The following CLASP2 variants were observed in gnomAD, a reference collection of about 807,000 sequenced individuals.
The protein encoded by CLASP2 is cytoplasmic linker associated protein 2.
A neutral mutation model predicts 194.4 loss-of-function variants in CLASP2; 47 were observed. The observed-to-expected ratio is 0.24, with a 90% CI of 0.19 to 0.31. CLASP2 has a LOEUF of 0.31. Ranked by LOEUF, CLASP2 falls within the 10% of genes least tolerant of loss-of-function variation. The pLI, the probability that CLASP2 is intolerant of heterozygous loss-of-function variation, is 1.00. For missense variants in CLASP2, 1,445 were observed against 1,823.6 expected, an observed-to-expected ratio of 0.79 and a Z score of 3.78; for synonymous variants, 619 against 633.5, an observed-to-expected ratio of 0.98 and a Z score of 0.34.
At chr3:33,532,503 T>C (rs2056544239) in intron 34 of CLASP2, among the ~76,000 whole-genome samples, 1 of 152,206 alleles carries the variant, frequency 6.6e-6, no homozygotes, top group Admixed American at 6.5e-5. Context: ...ACTGTATATA[T>C]AAAATGCTTA....
At position 33,622,112 on chromosome 3, in the gene CLASP2, TATC is replaced by T. The variant is rs200957482; in HGVS notation, c.1181+20_1181+22del. The T allele has an allele frequency of 0.013, 19,018 of 1,508,866 alleles. 210 individuals are homozygous for T. Among genetic ancestry groups the T allele is most frequent in the Middle Eastern group, 0.047 (261 of 5,528 alleles). 93.5% of individuals were successfully genotyped at this position (1,508,866 alleles called of 1,614,324 possible). A position where few individuals can be genotyped will look rare whatever the true frequency, so the allele number is the denominator to read the frequency against. On this transcript the variant is annotated intron_variant, in intron 11 of 38. Transcript: ENST00000682230. ...ACTAAATTCATTCATAAAAAACACT[TATC>T]ATAAAAGGAATATACTTACGCTACA... is the stretch of plus-strand genomic sequence containing the variant.
At chr3:33,549,734 CT>C (rs956395617) in intron 30 of CLASP2, among the ~76,000 whole-genome samples, 13 of 139,872 alleles carry the variant, frequency 9.3e-5, no homozygotes, top group Admixed American at 3.9e-4. Flanking sequence ...ATTCTGTGTA[CT>C]TTTTTTCTTT....
intron 36 of CLASP2, among the ~76,000 whole-genome samples, chr3:33,512,729 C>A (rs2050252842): frequency 1.4e-5 from 2 of 147,950 alleles, no homozygotes; most frequent in African/African-American, 5.0e-5. Flanking sequence ...GGTGGCTCAG[C>A]CTATAATCCC....
chr3:33,702,059 T>A (rs1434215381), intron 1 of CLASP2, among the ~76,000 whole-genome samples: 1 of 152,116 alleles, frequency 6.6e-6, no homozygotes, highest in Non-Finnish European at 1.5e-5. Flanking sequence ...AAAAACCCAG[T>A]CACAGATTAA....
intron 9 of CLASP2, among the ~76,000 whole-genome samples, chr3:33,628,192 A>G (rs1377457770): frequency 6.6e-6 from 1 of 152,202 alleles, no homozygotes; most frequent in Non-Finnish European, 1.5e-5. Context: ...GTGTAAATGC[A>G]AAGGAGAACA....
At chr3:33,640,008 T>C (rs1165299301) in intron 8 of CLASP2, among the ~76,000 whole-genome samples, 1 of 152,156 alleles carries the variant, frequency 6.6e-6, no homozygotes, top group Non-Finnish European at 1.5e-5. Flanking sequence ...TCTCTTTTCC[T>C]GAATCTGGGT....
At chr3:33,575,232 C>T (rs991958164) in intron 24 of CLASP2, among the ~76,000 whole-genome samples, 1 of 151,984 alleles carries the variant, frequency 6.6e-6, no homozygotes, top group Admixed American at 6.6e-5. Context: ...GCTGAAGTAA[C>T]GGGAAAAATT....
At chr3:33,624,976 C>T (rs909748893) in intron 10 of CLASP2, among the ~76,000 whole-genome samples, 1 of 151,894 alleles carries the variant, frequency 6.6e-6, no homozygotes, top group Non-Finnish European at 1.5e-5. Flanking sequence ...ATGACTAATA[C>T]CTTTGTTCAA....
intron 26 of CLASP2, among the ~76,000 whole-genome samples, chr3:33,568,716 C>A (rs569249790): frequency 6.6e-6 from 1 of 151,884 alleles, no homozygotes; most frequent in Non-Finnish European, 1.5e-5. Flanking sequence ...GGGATAGAGA[C>A]CCTTATGGTC....
intron 25 of CLASP2, 53 bp downstream of exon 25, chr3:33,573,057 A>G: frequency 6.3e-7 from 1 of 1,596,694 alleles, no homozygotes; most frequent in Non-Finnish European, 8.5e-7. Flanking sequence ...AACAAAGTAA[A>G]ATCAAAAAGC....
At chr3:33,616,380 A>G (rs1401130431) in intron 12 of CLASP2, among the ~76,000 whole-genome samples, 1 of 152,178 alleles carries the variant, frequency 6.6e-6, no homozygotes, top group East Asian at 1.9e-4. Flanking sequence ...ACAGGAAAAA[A>G]AATTCACAAA....
At chr3:33,629,519 G>A (rs897542264) in intron 9 of CLASP2, among the ~76,000 whole-genome samples, 3 of 152,024 alleles carry the variant, frequency 2.0e-5, no homozygotes, top group Non-Finnish European at 4.4e-5. Flanking sequence ...GAAGAGAGGA[G>A]GACAGAGACA....
intron 30 of CLASP2, among the ~76,000 whole-genome samples, chr3:33,549,054 G>A (rs1329715297): frequency 6.9e-6 from 1 of 145,016 alleles, no homozygotes; most frequent in Non-Finnish European, 1.5e-5. Context: ...ACCACACCCA[G>A]GTGTTGGGAT....
intron 34 of CLASP2, among the ~76,000 whole-genome samples, chr3:33,530,256 C>T (rs2055936254): frequency 6.6e-6 from 1 of 152,046 alleles, no homozygotes; most frequent in African/African-American, 2.4e-5. Flanking sequence ...AGGCAGACTG[C>T]TTGAGCCCAG....
chr3:33,537,889 C>A (rs1231583352), intron 33 of CLASP2, among the ~76,000 whole-genome samples: 1 of 152,168 alleles, frequency 6.6e-6, no homozygotes, highest in East Asian at 1.9e-4. Context: ...CACCTGTAAT[C>A]CCAGCACTTT....
At chr3:33,705,271 G>A (rs976775298) in intron 1 of CLASP2, among the ~76,000 whole-genome samples, 5 of 152,156 alleles carry the variant, frequency 3.3e-5, no homozygotes. Flanking sequence ...AAATATCATA[G>A]TTCAATGAAG....
chr3:33,673,020 A>G (rs545387961), intron 6 of CLASP2, among the ~76,000 whole-genome samples: 2 of 152,340 alleles, frequency 1.3e-5, no homozygotes, highest in Non-Finnish European at 2.9e-5. Flanking sequence ...AACACTCTGC[A>G]GGATATTATC....
At chr3:33,584,689 A>T (rs2066949212) in intron 22 of CLASP2, 61 bp downstream of exon 22, 33 of 1,420,972 alleles carry the variant, frequency 2.3e-5, no homozygotes, top group Non-Finnish European at 3.1e-5. Context: ...ATGCTGCCAA[A>T]GCCTGAAAAA....
chr3:33,619,832 T>C, intron 11 of CLASP2, 94 bp from the exon 12 acceptor site: 1 of 1,057,334 alleles, frequency 9.5e-7, no homozygotes, highest in Non-Finnish European at 1.3e-6. Context: ...TGAATTAACT[T>C]AGGAATTTGT....
Sources: gnomAD v4.1 joint callset for allele counts (sites outside exome capture counted in the v4.1 genomes callset) on GRCh38, gnomAD v4.1.1 for gene constraint, MANE v1.5 for transcripts, NCBI Gene and HGNC (gene_info 2026-07-23, HGNC 2026-07-21) for gene names.